Variants in XRCC4 observed in about 807,000 individuals in gnomAD.
The protein encoded by XRCC4 is DNA repair protein XRCC4.
Under a neutral mutation model 39.1 loss-of-function variants are expected in XRCC4, and 28 were observed. The ratio of observed to expected loss-of-function variants is 0.72; its 90% confidence interval spans 0.53 to 0.98. The LOEUF is 0.98. XRCC4 is among the 50% of genes least tolerant of loss of function. The pLI is 0.00. For synonymous variants in XRCC4, 123 were observed against 126.4 expected (o/e 0.97, Z 0.18); for missense variants, 350 against 376.4 (o/e 0.93, Z 0.58).
At chr5:83,143,564 G>C (rs548784593) in intron 3 of XRCC4, among the ~76,000 whole-genome samples, 1 of 151,978 alleles carries the variant, frequency 6.6e-6, no homozygotes, top group African/African-American at 2.4e-5. Context: ...CCATATTTCT[G>C]TCTGGTATCA....
At chr5:83,350,651 G>C (rs941389592) in intron 7 of XRCC4, among the ~76,000 whole-genome samples, 1 of 151,966 alleles carries the variant, frequency 6.6e-6, no homozygotes, top group Non-Finnish European at 1.5e-5. Context: ...GTTCCATATA[G>C]ATTCTGGATA....
chr5:83,176,126 G>T (rs369320477), intron 3 of XRCC4, among the ~76,000 whole-genome samples: 1 of 152,006 alleles, frequency 6.6e-6, no homozygotes, highest in African/African-American at 2.4e-5. Flanking sequence ...ATTGATTAGC[G>T]TAAGTTATAA....
At chr5:83,129,095 T>A (rs1490740281) in intron 3 of XRCC4, among the ~76,000 whole-genome samples, 5 of 152,014 alleles carry the variant, frequency 3.3e-5, no homozygotes, top group African/African-American at 1.2e-4. Flanking sequence ...CTTCTAGGGT[T>A]TTTATGGTTT....
At chr5:83,140,000 C>G (rs973699491) in intron 3 of XRCC4, among the ~76,000 whole-genome samples, 1 of 152,136 alleles carries the variant, frequency 6.6e-6, no homozygotes, top group African/African-American at 2.4e-5. Flanking sequence ...TTCCTTCTTT[C>G]TTATTTGTAA....
At chr5:83,237,054 C>T (rs887023001) in intron 6 of XRCC4, among the ~76,000 whole-genome samples, 11 of 151,646 alleles carry the variant, frequency 7.3e-5, no homozygotes, top group South Asian at 6.3e-4. Flanking sequence ...TTCAAAAAGG[C>T]AATAACTGAT....
chr5:83,321,233 T>C (rs1271442116), intron 7 of XRCC4, among the ~76,000 whole-genome samples: 1 of 152,238 alleles, frequency 6.6e-6, no homozygotes, highest in Non-Finnish European at 1.5e-5. Context: ...TTTATTGTTT[T>C]GGCATGGAAC....
chr5:83,295,720 G>A (rs974715143), intron 7 of XRCC4, among the ~76,000 whole-genome samples: 2 of 151,812 alleles, frequency 1.3e-5, no homozygotes, highest in Admixed American at 6.6e-5. Context: ...ACACATGCAC[G>A]CACACGCACA....
chr5:83,138,211 TAGTC>T (rs535836471), intron 3 of XRCC4, among the ~76,000 whole-genome samples: 35 of 152,168 alleles, frequency 2.3e-4, no homozygotes, highest in Non-Finnish European at 2.9e-4. Context: ...TTTATACACA[TAGTC>T]AGAGCACACA....
rs28746472 is a variant in XRCC4 at position 83,299,560 on chromosome 5, T to C, written c.893+40883T>C. ...TTATATCTTCTCACTCTGTTTTCCATGTATTTTAACCTCTCTTTTATGTTT... is the reference window on the plus strand; with the variant it reads ...TTATATCTTCTCACTCTGTTTTCCACGTATTTTAACCTCTCTTTTATGTTT... On this transcript the variant is annotated intron_variant, in intron 7 of 7. Coordinates refer to ENST00000396027, the MANE Select transcript of XRCC4 (RefSeq NM_003401.5). 3.6e-3 allele frequency among the ~76,000 whole-genome samples: 546 copies of C among 152,254 alleles called. 10 individuals are homozygous for C. In the East Asian group the frequency reaches 0.071, roughly 20 times the overall value.
chr5:83,307,285 C>T (rs1415188721), intron 7 of XRCC4, among the ~76,000 whole-genome samples: 1 of 152,116 alleles, frequency 6.6e-6, no homozygotes, highest in Non-Finnish European at 1.5e-5. Context: ...CTTGGAGGGG[C>T]AGAGTCATAG....
At chr5:83,103,963 G>A (rs972836125) in intron 1 of XRCC4, among the ~76,000 whole-genome samples, 2 of 152,108 alleles carry the variant, frequency 1.3e-5, no homozygotes, top group African/African-American at 2.4e-5. Context: ...CTTGATCTAG[G>A]TACTACTTAC....
chr5:83,112,437 C>T (rs1238984409), intron 3 of XRCC4, among the ~76,000 whole-genome samples: 3 of 152,178 alleles, frequency 2.0e-5, no homozygotes, highest in Admixed American at 1.3e-4. Flanking sequence ...CAGCGATTTT[C>T]TAGTTTTTAT....
chr5:83,106,751 A>G (rs1746216277), intron 2 of XRCC4, among the ~76,000 whole-genome samples: 1 of 152,016 alleles, frequency 6.6e-6, no homozygotes. Context: ...TGAGGGTAAG[A>G]GACACATTTG....
downstream of XRCC4, among the ~76,000 whole-genome samples, chr5:83,356,041 G>A (rs532581772): frequency 9.9e-4 from 150 of 152,164 alleles, no homozygotes; most frequent in Middle Eastern, 3.4e-3. Flanking sequence ...ATTTTAAATA[G>A]AAATTTTCCT....
chr5:83,318,353 A>T (rs2112120168), intron 7 of XRCC4, among the ~76,000 whole-genome samples: 1 of 133,096 alleles, frequency 7.5e-6, no homozygotes, highest in South Asian at 2.4e-4. Context: ...AGTTCTGGCC[A>T]GGGCAATAAG....
At chr5:83,291,951 CTG>C (rs34789998) in intron 7 of XRCC4, among the ~76,000 whole-genome samples, 5,868 of 143,906 alleles carry the variant, frequency 0.041, 129 homozygotes, top group South Asian at 0.076. Flanking sequence ...ATGTGTATTT[CTG>C]TGTGTGTGTG....
chr5:83,150,167 T>C (rs1213709377), intron 3 of XRCC4, among the ~76,000 whole-genome samples: 3 of 152,186 alleles, frequency 2.0e-5, no homozygotes, highest in Admixed American at 6.5e-5. Flanking sequence ...ACTAAATAGC[T>C]TCATGTGTAA....
intron 6 of XRCC4, among the ~76,000 whole-genome samples, chr5:83,209,309 A>G (rs1224138963): frequency 1.3e-5 from 2 of 152,136 alleles, no homozygotes; most frequent in African/African-American, 4.8e-5. Context: ...CATTATGTAT[A>G]GCATTAGAGC....
At chr5:83,214,404 G>T (rs1398911451) in intron 6 of XRCC4, among the ~76,000 whole-genome samples, 1 of 152,066 alleles carries the variant, frequency 6.6e-6, no homozygotes, top group Non-Finnish European at 1.5e-5. Flanking sequence ...CTATATGCTT[G>T]CAATGCATAA....
Sources: allele counts gnomAD v4.1 joint callset (sites outside exome capture counted in the v4.1 genomes callset), GRCh38; gene constraint gnomAD v4.1.1; transcripts MANE v1.5; gene names NCBI Gene and HGNC (gene_info 2026-07-23, HGNC 2026-07-21).